Variants in RNF182 observed in about 807,000 individuals in gnomAD.
RNF182 encodes the protein ring finger protein 182.
RNF182 carries 15 observed loss-of-function variants against 14.4 expected under a neutral mutation model. The ratio of observed to expected loss-of-function variants is 1.04; its 90% CI spans 0.70 to 1.60. The LOEUF is 1.60. Ranked by LOEUF, RNF182 falls within the 40% of genes most tolerant of loss-of-function variation. The probability of loss-of-function intolerance (pLI) is 0.00; values close to 1 mark genes in which losing one functional copy is unlikely to be tolerated. For synonymous variants in RNF182, 128 were observed against 122.9 expected (o/e 1.04, Z -0.27); for missense variants, 268 against 294.8 (o/e 0.91, Z 0.67).
chr6:13,938,960 G>A (rs570167994), intron 1 of RNF182, among the ~76,000 whole-genome samples: 42 of 152,270 alleles, frequency 2.8e-4, no homozygotes, highest in Middle Eastern at 6.8e-3. Context: ...GTTCACGCCT[G>A]TAATCCCAGC....
chr6:13,944,371 C>T (rs896864853), intron 1 of RNF182, among the ~76,000 whole-genome samples: 2 of 152,052 alleles, frequency 1.3e-5, no homozygotes, highest in Non-Finnish European at 2.9e-5. Flanking sequence ...GGGACATGGC[C>T]TTGGGCTGAT....
At chr6:13,939,029 G>A (rs1759216320) in intron 1 of RNF182, among the ~76,000 whole-genome samples, 1 of 152,152 alleles carries the variant, frequency 6.6e-6, no homozygotes, top group South Asian at 2.1e-4. Context: ...GTTGTAGTGA[G>A]CCAAGATTGC....
At chr6:13,972,946 C>A (rs1208373191) in intron 1 of RNF182, among the ~76,000 whole-genome samples, 2 of 152,172 alleles carry the variant, frequency 1.3e-5, no homozygotes, top group Non-Finnish European at 2.9e-5. Flanking sequence ...AGTGATAGAT[C>A]CATAGACAGC....
chr6:13,964,328 G>A (rs1037680053), intron 1 of RNF182, among the ~76,000 whole-genome samples: 6 of 152,300 alleles, frequency 3.9e-5, no homozygotes, highest in African/African-American at 1.4e-4. Flanking sequence ...AGTTAACTTA[G>A]GGATGAGTAT....
In RNF182 at chr6:13,979,960, C is replaced by T. The variant is rs1355629277; in HGVS notation, c.*2097C>T. 1 of 166,636 alleles carries T rather than the reference C, an allele frequency of 6.0e-6. No homozygotes were observed. Among genetic ancestry groups the T allele is most frequent in the African/African-American group, 2.4e-5 (1 of 41,448 alleles). 10.3% of individuals were successfully genotyped at this position (166,636 alleles called of 1,614,324 possible). A position where few individuals can be genotyped will look rare whatever the true frequency, so the allele number is the denominator to read the frequency against. Reference sequence around the variant, plus strand: ...AGATAATGCTTTAATATTTTATTCACTGTGATACTATTTTGTTTGTCTATT... The same window carrying T: ...AGATAATGCTTTAATATTTTATTCATTGTGATACTATTTTGTTTGTCTATT... On this transcript the variant is annotated 3_prime_UTR_variant, in exon 3 of 3. Transcript: ENST00000488300.
intron 1 of RNF182, chr6:13,949,402 C>T: frequency 1.3e-6 from 1 of 745,818 alleles, no homozygotes; most frequent in Non-Finnish European, 2.5e-6. Flanking sequence ...CACAAAAAGG[C>T]AAGAGAAAGA....
intron 1 of RNF182, among the ~76,000 whole-genome samples, chr6:13,933,816 G>A (rs559858418): frequency 1.3e-5 from 2 of 152,152 alleles, no homozygotes; most frequent in East Asian, 1.9e-4. Flanking sequence ...TCGGTAGTTC[G>A]AGACCAACCT....
intron 1 of RNF182, among the ~76,000 whole-genome samples, chr6:13,954,613 A>G (rs1390516651): frequency 2.0e-5 from 3 of 151,988 alleles, no homozygotes; most frequent in Non-Finnish European, 4.4e-5. Flanking sequence ...AGTGTATTTT[A>G]TGTGTTGCTC....
chr6:13,970,751 G>A (rs915872687), intron 1 of RNF182, among the ~76,000 whole-genome samples: 8 of 152,186 alleles, frequency 5.3e-5, no homozygotes, highest in South Asian at 2.1e-4. Flanking sequence ...TGATAGATAC[G>A]TGACATTTCA....
At chr6:13,949,229 C>T (rs1561780624) in intron 1 of RNF182, 11 of 792,752 alleles carry the variant, frequency 1.4e-5, no homozygotes, top group East Asian at 7.3e-5. Flanking sequence ...GTCCACTGGA[C>T]GTTTTAGTCA....
At chr6:13,953,945 AC>A (rs1471485272) in intron 1 of RNF182, among the ~76,000 whole-genome samples, 1 of 152,214 alleles carries the variant, frequency 6.6e-6, no homozygotes, top group Middle Eastern at 3.2e-3. Flanking sequence ...AGGGGGAGAA[AC>A]AAAGCATCCA....
chr6:13,966,834 G>GTGCGCGTGCGTA (rs1760044924), intron 1 of RNF182, among the ~76,000 whole-genome samples: 1 of 123,878 alleles, frequency 8.1e-6, no homozygotes, highest in African/African-American at 3.0e-5. Flanking sequence ...GCGCGTGCGT[G>GTGCGCGTGCGTA]TGTGTGTGTG....
chr6:13,965,707 T>TAGG (rs1259279053), intron 1 of RNF182, among the ~76,000 whole-genome samples: 1 of 152,244 alleles, frequency 6.6e-6, no homozygotes, highest in Non-Finnish European at 1.5e-5. Flanking sequence ...GGGTTTGGTC[T>TAGG]AGGCCCTACT....
rs1760393553 is a variant in RNF182, at chr6:13,978,204, T to G, written c.*341T>G. The G allele has an allele frequency of 4.9e-6, 1 of 202,762 alleles. No homozygotes were observed. Among genetic ancestry groups the G allele is most frequent in the South Asian group, 1.3e-4 (1 of 7,668 alleles). The allele number at this position is 202,762 out of a possible 1,614,324, so 12.6% of individuals were successfully genotyped here. On this transcript the variant is annotated 3_prime_UTR_variant, in exon 3 of 3. Coordinates refer to ENST00000488300, the MANE Select transcript of RNF182 (RefSeq NM_152737.4). Reference sequence around the variant, plus strand: ...GAGAGCATGGATCCCTCCTTTCGTATTCATGGATGTTCTATGATGGCAGTT... The same window carrying G: ...GAGAGCATGGATCCCTCCTTTCGTAGTCATGGATGTTCTATGATGGCAGTT...
chr6:13,939,690 C>A (rs1759238391), intron 1 of RNF182, among the ~76,000 whole-genome samples: 1 of 151,986 alleles, frequency 6.6e-6, no homozygotes, highest in South Asian at 2.1e-4. Context: ...ACTACAGGCG[C>A]CTGCCACCAC....
chr6:13,979,261 A>G lies in RNF182; in HGVS notation c.*1398A>G, dbSNP rs1209175618. 1 of 166,266 alleles carries G rather than the reference A, an allele frequency of 6.0e-6. No individual in the cohort carries two copies. The highest frequency in any genetic ancestry group is 1.5e-5 in the Non-Finnish European group (1 of 68,122). 10.3% of individuals were successfully genotyped at this position (166,266 alleles called of 1,614,324 possible). Reference sequence around the variant, plus strand: ...GTTTAGCAGATTACAAGTTGGCAAAATAGACTGTTCACAGAAACTAGGCAA... The same window carrying G: ...GTTTAGCAGATTACAAGTTGGCAAAGTAGACTGTTCACAGAAACTAGGCAA... On this transcript the variant is annotated 3_prime_UTR_variant, in exon 3 of 3. Transcript: ENST00000488300.
intron 1 of RNF182, 163 bp downstream of exon 1, chr6:13,925,186 G>A (rs1476469516): frequency 6.6e-6 from 1 of 150,560 alleles, no homozygotes; most frequent in African/African-American, 2.4e-5. Context: ...CGGGGCCCGC[G>A]CGCGGAGTCT....
At position 13,976,996 on chromosome 6, in the gene RNF182, A is replaced by G; in HGVS notation, c.-124A>G. ...GCCTGGAAGATTTCTGGTTTCTTTC[A>G]CTACTTATCCTGCCTTTTTGCATCG... On this transcript the variant is annotated 5_prime_UTR_variant, in exon 3 of 3. Transcript: ENST00000488300. 2 of 1,038,042 alleles carry G rather than the reference A, an allele frequency of 1.9e-6. No homozygotes were observed. Among genetic ancestry groups the G allele is most frequent in the Non-Finnish European group, 2.8e-6 (2 of 709,832 alleles). The allele number at this position is 1,038,042 out of a possible 1,614,324, so 64.3% of individuals were successfully genotyped here. A position where few individuals can be genotyped will look rare whatever the true frequency, so the allele number is the denominator to read the frequency against.
intron 1 of RNF182, among the ~76,000 whole-genome samples, chr6:13,942,155 A>G (rs935003883): frequency 6.6e-6 from 1 of 152,064 alleles, no homozygotes; most frequent in African/African-American, 2.4e-5. Context: ...TTTGTTGAGA[A>G]ATTGGCTGTC....
Sources: allele counts gnomAD v4.1 joint callset (sites outside exome capture counted in the v4.1 genomes callset), GRCh38; gene constraint gnomAD v4.1.1; transcripts MANE v1.5; gene names NCBI Gene and HGNC (gene_info 2026-07-23, HGNC 2026-07-21).